The following ACOT7 variants were observed in gnomAD, a reference collection of about 807,000 sequenced individuals.
ACOT7 encodes cytosolic acyl coenzyme A thioester hydrolase.
A neutral mutation model predicts 40.2 loss-of-function variants in ACOT7; 12 were observed. The ratio of observed to expected loss-of-function variants is 0.30; its 90% confidence interval spans 0.19 to 0.48. The LOEUF is 0.48. Ranked by LOEUF, ACOT7 falls within the 20% of genes least tolerant of loss-of-function variation. The pLI, the probability that ACOT7 is intolerant of heterozygous loss-of-function variation, is 0.99. For synonymous variants in ACOT7, 228 were observed against 219.5 expected, an observed-to-expected ratio of 1.04 and a Z score of -0.34; for missense variants, 395 against 530.8, an observed-to-expected ratio of 0.74 and a Z score of 2.51.
rs577253801 is a variant in ACOT7, at chr1:6,385,570, G to C, written c.143+7687C>G. The C allele has an allele frequency of 1.2e-6, 2 of 1,611,952 alleles. 1 individual carries two copies. The highest frequency in any genetic ancestry group is 1.7e-6 in the Non-Finnish European group (2 of 1,179,230). On this transcript the variant is annotated intron_variant, in intron 1 of 8. Coordinates refer to ENST00000361521, the MANE Select transcript of ACOT7 (RefSeq NM_007274.4). The stretch of plus-strand genomic sequence containing the variant: ...ACCTGGACGGGAGCGCAGCACCCTC[G>C]CCGGGGCCCCACACATCCCTGGCCA...
intron 1 of ACOT7, among the ~76,000 whole-genome samples, chr1:6,376,654 G>C (rs1206120143): frequency 6.6e-6 from 1 of 151,560 alleles, no homozygotes; most frequent in African/African-American, 2.4e-5. Flanking sequence ...TTGAACCTGG[G>C]AGGCGGAGGT....
At chr1:6,346,620 G>A (rs916207736) in intron 2 of ACOT7, among the ~76,000 whole-genome samples, 1 of 152,254 alleles carries the variant, frequency 6.6e-6, no homozygotes, top group Admixed American at 6.5e-5. Context: ...GAGATCTGGA[G>A]GGCTCTGAGC....
intron 1 of ACOT7, among the ~76,000 whole-genome samples, chr1:6,387,705 G>A (rs1044930033): frequency 1.4e-4 from 21 of 152,318 alleles, no homozygotes; most frequent in African/African-American, 4.8e-4. Context: ...CCAGCTAGCT[G>A]CAGGTGCCAA....
At chr1:6,329,492 T>TA (rs1279763010) in intron 4 of ACOT7, among the ~76,000 whole-genome samples, 1 of 149,504 alleles carries the variant, frequency 6.7e-6, no homozygotes, top group East Asian at 2.0e-4. Flanking sequence ...TTAAAGGGAT[T>TA]TTTTTTTTTA....
Position 6,282,389 on chromosome 1 carries a change from G to A in ACOT7, c.830-1103C>T, listed in dbSNP as rs1451618446. ...GCAGAAACCCCCGGGGACTTCCGGGGCAAGTGCTGCCCTGCGGTCAGAATG... is the reference window on the plus strand; with the variant it reads ...GCAGAAACCCCCGGGGACTTCCGGGACAAGTGCTGCCCTGCGGTCAGAATG... On this transcript the variant is annotated intron_variant, in intron 7 of 8. Transcript: ENST00000361521. The surrounding 1 kb of genome is among the most constrained non-coding windows in gnomAD (Gnocchi z 4.5). 1.3e-5 allele frequency among the ~76,000 whole-genome samples: 2 copies of A among 152,198 alleles called. No individual in the cohort carries two copies. The highest frequency in any genetic ancestry group is 4.8e-5 in the African/African-American group (2 of 41,448).
At position 6,275,421 on chromosome 1, in the gene ACOT7, T is replaced by G. The variant is rs1639159813; in HGVS notation, c.1014+5681A>C. Reference sequence around the variant, plus strand: ...CCCCTGGCTATGCATGAGGCAGCTCTGAAAGGCAAGGTAAAGATGGCCACA... The same window carrying G: ...CCCCTGGCTATGCATGAGGCAGCTCGGAAAGGCAAGGTAAAGATGGCCACA... On this transcript the variant is annotated intron_variant, in intron 8 of 8. Coordinates refer to ENST00000361521, the MANE Select transcript of ACOT7 (RefSeq NM_007274.4). The surrounding 1 kb of genome is among the most constrained non-coding windows in gnomAD (Gnocchi z 5.6). Among the ~76,000 whole-genome samples the G allele has an allele frequency of 6.6e-6, 1 of 152,126 alleles. No homozygotes were observed. Among genetic ancestry groups the G allele is most frequent in the South Asian group, 2.1e-4 (1 of 4,822 alleles).
intron 6 of ACOT7, among the ~76,000 whole-genome samples, chr1:6,309,642 C>T (rs1191661474): frequency 1.3e-5 from 2 of 151,982 alleles, no homozygotes; most frequent in African/African-American, 2.4e-5. Flanking sequence ...TTTCTTTGGC[C>T]GGCAGTTATT....
chr1:6,305,629 T>C (rs866746931), intron 6 of ACOT7, among the ~76,000 whole-genome samples: 10,409 of 131,726 alleles, frequency 0.079, 407 homozygotes, highest in African/African-American at 0.22. Context: ...TCTCAGATGA[T>C]GGGCGGCCGG....
At chr1:6,296,302 G>A (rs1477310357) in intron 6 of ACOT7, among the ~76,000 whole-genome samples, 1 of 152,200 alleles carries the variant, frequency 6.6e-6, no homozygotes, top group Non-Finnish European at 1.5e-5. Flanking sequence ...GAATACTCGG[G>A]CTGCAGATGT....
chr1:6,368,883 C>T (rs984006468), intron 1 of ACOT7, among the ~76,000 whole-genome samples: 6 of 152,296 alleles, frequency 3.9e-5, no homozygotes, highest in South Asian at 4.1e-4. Context: ...CTGCACCTGG[C>T]GTGAGGGCAG....
At chr1:6,385,770 C>A (rs1037807203) in intron 1 of ACOT7, 6 of 1,450,230 alleles carry the variant, frequency 4.1e-6, no homozygotes, top group Non-Finnish European at 5.4e-6. Flanking sequence ...CGGTGTGATC[C>A]CTCCCTGATA....
chr1:6,380,630 G>C lies in ACOT7; in HGVS notation c.143+12627C>G, dbSNP rs1571355044. ...AGAAGACGACCTCTCAATGGGGAAA[G>C]ACAATCTTTTCAACAAATGGTGCTA... On this transcript the variant is annotated intron_variant, in intron 1 of 8. Transcript: ENST00000361521. 2.1e-5 allele frequency among the ~76,000 whole-genome samples: 3 copies of C among 140,016 alleles called. 1 individual carries two copies. The highest frequency in any genetic ancestry group is 7.3e-5 in the Admixed American group (1 of 13,720). 91.9% of individuals were successfully genotyped at this position (140,016 alleles called of 152,430 possible).
intron 4 of ACOT7, among the ~76,000 whole-genome samples, chr1:6,327,911 C>T (rs577703331): frequency 5.7e-4 from 87 of 152,028 alleles, no homozygotes; most frequent in African/African-American, 1.9e-3. Context: ...GTACCTGGGA[C>T]GACAGGTGCC....
At chr1:6,379,386 A>G (rs1011500339) in intron 1 of ACOT7, among the ~76,000 whole-genome samples, 1 of 151,824 alleles carries the variant, frequency 6.6e-6, no homozygotes, top group Admixed American at 6.6e-5. Flanking sequence ...ATGGAGCTGG[A>G]CCCCTACCGC....
rs550007126 is a variant in ACOT7, at chr1:6,328,130, T to C, written c.511-717A>G. ...TAGGTTACTTAAAATCATTTTGCAC[T>C]GTCCCATTGCTTCCTAGGATTCATT... On this transcript the variant is annotated intron_variant, in intron 4 of 8. Transcript: ENST00000361521. 1.0e-3 allele frequency among the ~76,000 whole-genome samples: 157 copies of C among 152,270 alleles called. 1 individual carries two copies. Among genetic ancestry groups the C allele is most frequent in the African/African-American group, 3.6e-3 (151 of 41,560 alleles).
chr1:6,323,747 T>A lies in ACOT7; in HGVS notation c.625+3552A>T, dbSNP rs1431707963. The stretch of plus-strand genomic sequence containing the variant: ...AAAAAAAAAAAAAAAAATATATATA[T>A]ATATATATATATATATATATATAGA... On this transcript the variant is annotated intron_variant, in intron 5 of 8. Coordinates refer to ENST00000361521, the MANE Select transcript of ACOT7 (RefSeq NM_007274.4). 6.3e-3 allele frequency among the ~76,000 whole-genome samples: 640 copies of A among 102,118 alleles called. 15 individuals carry two copies. The highest frequency in any genetic ancestry group is 0.035 in the African/African-American group (596 of 16,874). The allele number at this position is 102,118 out of a possible 152,430, so 67.0% of individuals were successfully genotyped here. A position where few individuals can be genotyped will look rare whatever the true frequency, so the allele number is the denominator to read the frequency against.
At chr1:6,292,839 C>T (rs770567377) in intron 7 of ACOT7, among the ~76,000 whole-genome samples, 1 of 151,402 alleles carries the variant, frequency 6.6e-6, no homozygotes, top group African/African-American at 2.4e-5. Flanking sequence ...CTGCCACCAG[C>T]CTGGCTAATT....
intron 6 of ACOT7, among the ~76,000 whole-genome samples, chr1:6,308,854 G>A (rs1275560291): frequency 6.6e-6 from 1 of 152,238 alleles, no homozygotes; most frequent in Non-Finnish European, 1.5e-5. Flanking sequence ...CGGACAGAGG[G>A]CTCCCAGCAC....
intron 1 of ACOT7, among the ~76,000 whole-genome samples, chr1:6,386,846 T>TA (rs1642448551): frequency 2.0e-5 from 3 of 152,170 alleles, no homozygotes; most frequent in Admixed American, 6.5e-5. Context: ...CCTGGCCAAC[T>TA]AAGCGAGACC....
Sources: gnomAD v4.1 joint callset for allele counts (sites outside exome capture counted in the v4.1 genomes callset) on GRCh38, gnomAD v4.1.1 for gene constraint, Gnocchi (gnomAD v3.1) non-coding constraint, MANE v1.5 for transcripts, NCBI Gene and HGNC (gene_info 2026-07-23, HGNC 2026-07-21) for gene names.